The following CSPP1 variants were observed in gnomAD, a reference collection of about 807,000 sequenced individuals.
The protein encoded by CSPP1 is centrosome and spindle pole-associated protein 1.
Under a neutral mutation model 164.4 loss-of-function variants are expected in CSPP1, and 126 were observed. That is an observed-to-expected ratio of 0.77 (90% CI 0.66 to 0.89). CSPP1 has a LOEUF of 0.89. CSPP1 is among the 40% of genes least tolerant of loss of function. The pLI is 0.00. For synonymous variants in CSPP1, 472 were observed against 476.7 expected, an observed-to-expected ratio of 0.99 and a Z score of 0.13; for missense variants, 1,395 against 1,449.8, an observed-to-expected ratio of 0.96 and a Z score of 0.61.
intron 16 of CSPP1, chr8:67,134,515 C>CTTTCTAGAGCACAGG (rs1821844940): frequency 6.7e-6 from 1 of 148,314 alleles, no homozygotes; most frequent in Non-Finnish European, 1.5e-5. Context: ...TTGTTGTTTC[C>CTTTCTAGAGCACAGG]TTTCTAGAGC....
At chr8:67,157,330 CT>C (rs1826863544) in intron 19 of CSPP1, among the ~76,000 whole-genome samples, 1 of 151,598 alleles carries the variant, frequency 6.6e-6, no homozygotes, top group African/African-American at 2.4e-5. Flanking sequence ...GAGTCTCATT[CT>C]GTCGCCCAGG....
intron 18 of CSPP1, among the ~76,000 whole-genome samples, chr8:67,153,089 C>T (rs769955161): frequency 1.3e-5 from 2 of 152,090 alleles, no homozygotes; most frequent in Non-Finnish European, 2.9e-5. Flanking sequence ...GTAGTCCCAG[C>T]TACTTGGGAG....
At chr8:67,118,507 T>C in intron 14 of CSPP1, 138 bp downstream of exon 14, 3 of 875,216 alleles carry the variant, frequency 3.4e-6, no homozygotes, top group Non-Finnish European at 5.5e-6. Context: ...ATTTAATAAA[T>C]GCCCTATTTT....
In CSPP1 at chr8:67,138,526, A is replaced by C. The variant is rs369701286; in HGVS notation, c.1975+923A>C. Among the ~76,000 whole-genome samples the C allele has an allele frequency of 1.3e-4, 20 of 152,310 alleles. 1 individual carries two copies. Among genetic ancestry groups the C allele is most frequent in the East Asian group, 9.6e-4 (5 of 5,188 alleles). ...TTGAATTGTGGTTGATTGAATCCACAGATGTGGAACCCGCAGTTACAAAGG... is the reference window on the plus strand; with the variant it reads ...TTGAATTGTGGTTGATTGAATCCACCGATGTGGAACCCGCAGTTACAAAGG... On this transcript the variant is annotated intron_variant, in intron 17 of 30. Coordinates refer to ENST00000678616, the MANE Select transcript of CSPP1 (RefSeq NM_001382391.1).
chr8:67,164,788 T>G (rs1489448773), intron 24 of CSPP1, among the ~76,000 whole-genome samples: 2 of 152,248 alleles, frequency 1.3e-5, no homozygotes, highest in Non-Finnish European at 2.9e-5. Flanking sequence ...TGAAATACTT[T>G]TTTTCAACAA....
At chr8:67,147,281 A>G (rs938620668) in intron 17 of CSPP1, among the ~76,000 whole-genome samples, 1 of 152,172 alleles carries the variant, frequency 6.6e-6, no homozygotes, top group Non-Finnish European at 1.5e-5. Context: ...TATTTCAAGA[A>G]TATCTATCTG....
At chr8:67,159,840 TTCTTTCTTTCTTTTTCTTTCTTTCTTTC>T (rs1210882069) in intron 21 of CSPP1, among the ~76,000 whole-genome samples, 2 of 129,560 alleles carry the variant, frequency 1.5e-5, no homozygotes, top group East Asian at 4.3e-4. Context: ...CTTTCTTTCT[TTCTTTCTTTCTTTTTCTTTCTTTCTTTC>T]TTTCTTTCTT....
rs1821327152 is a variant in CSPP1, at chr8:67,131,987, T to A, written c.1734T>A (p.Ser578Arg). The A allele has an allele frequency of 6.2e-7, 1 of 1,613,290 alleles. No homozygotes were observed. The highest frequency in any genetic ancestry group is 8.5e-7 in the Non-Finnish European group (1 of 1,179,482). The part of the protein sequence containing the change: ...TVGQNELKIT[S>R]DQVINSGLIF... ...GACAGAATGAACTGAAGATTACAAG[T>A]GATCAAGTGATAAATTCAGGATTGA... is the stretch of plus-strand genomic sequence containing the variant. The change falls in exon 16 of 31, where the codon AGT (serine) becomes AGA (arginine). Residue 578 changes from serine to arginine, a missense_variant. Ser to Arg is a moderately radical substitution (Grantham distance 110). Coordinates refer to ENST00000678616, the MANE Select transcript of CSPP1 (RefSeq NM_001382391.1).
At chr8:67,089,630 A>C (rs1419960821) in intron 4 of CSPP1, among the ~76,000 whole-genome samples, 1 of 152,014 alleles carries the variant, frequency 6.6e-6, no homozygotes, top group Non-Finnish European at 1.5e-5. Flanking sequence ...GCTTGAATGT[A>C]TGCTTTTGGA....
chr8:67,069,813 C>T (rs546994279), intron 1 of CSPP1, among the ~76,000 whole-genome samples: 4 of 151,910 alleles, frequency 2.6e-5, no homozygotes, highest in Non-Finnish European at 5.9e-5. Flanking sequence ...GTATATACCA[C>T]CATGCCTGGC....
rs753759120 is a variant in CSPP1, at chr8:67,184,144, C to T, written c.3220+4218C>T. ...CTGGGATTATAGGCGTGAGCCACTG[C>T]GCCCGGCCAAAAATTGGTAAATTTT... is the stretch of plus-strand genomic sequence containing the variant. On this transcript the variant is annotated intron_variant, in intron 28 of 30. Coordinates refer to ENST00000678616, the MANE Select transcript of CSPP1 (RefSeq NM_001382391.1). Among the ~76,000 whole-genome samples, 8 of 152,210 alleles carry T rather than the reference C, an allele frequency of 5.3e-5. No individual in the cohort carries two copies. In the East Asian group the frequency reaches 7.8e-4, roughly 15 times the overall value.
intron 19 of CSPP1, among the ~76,000 whole-genome samples, chr8:67,156,238 A>G (rs1424881344): frequency 6.6e-6 from 1 of 152,224 alleles, no homozygotes; most frequent in Non-Finnish European, 1.5e-5. Flanking sequence ...CATACAACTA[A>G]TACACAGACT....
chr8:67,160,035 T>TCTTTTC (rs1340400268), intron 21 of CSPP1, among the ~76,000 whole-genome samples: 1 of 99,216 alleles, frequency 1.0e-5, no homozygotes, highest in Non-Finnish European at 1.7e-5. Flanking sequence ...TCTTTTCTTT[T>TCTTTTC]TCTTTTTCTT....
chr8:67,195,430 G>A lies in CSPP1; in HGVS notation c.3518G>A (p.Gly1173Glu), dbSNP rs1837735009. The A allele has an allele frequency of 2.5e-6, 4 of 1,614,162 alleles. No homozygotes were observed. Among genetic ancestry groups the A allele is most frequent in the Admixed American group, 1.7e-5 (1 of 60,032 alleles). ...VDPDDIMKHI[G>E]DDGSNSVATE... ...CCTGATGACATCATGAAACACATAG[G>A]GGATGACGGATCAAACTCTGTAGCA... The change falls in exon 31 of 31, where the codon GGG (glycine) becomes GAG (glutamate). Residue 1173 changes from glycine (G) to glutamate (E), a missense_variant. Gly to Glu is a moderately conservative substitution (Grantham distance 98). Transcript: ENST00000678616.
intron 17 of CSPP1, among the ~76,000 whole-genome samples, 190 bp from the exon 18 acceptor site, chr8:67,149,593 A>T (rs1825294216): frequency 6.6e-6 from 1 of 152,108 alleles, no homozygotes. Context: ...ATTTTTAAGG[A>T]TTATTTTTTG....
At chr8:67,129,183 G>A (rs918381356) in intron 15 of CSPP1, among the ~76,000 whole-genome samples, 12 of 152,060 alleles carry the variant, frequency 7.9e-5, no homozygotes, top group African/African-American at 2.9e-4. Flanking sequence ...TTAGAAGGGA[G>A]CCTATAAACA....
intron 17 of CSPP1, among the ~76,000 whole-genome samples, chr8:67,149,205 A>G (rs1283493670): frequency 1.1e-4 from 16 of 152,190 alleles, no homozygotes; most frequent in Non-Finnish European, 2.9e-5. Flanking sequence ...TGAATGATCC[A>G]TAGATAAGCA....
intron 18 of CSPP1, among the ~76,000 whole-genome samples, chr8:67,150,458 G>A (rs773791309): frequency 6.6e-6 from 1 of 151,734 alleles, no homozygotes. Context: ...AGGCTGGAGT[G>A]CAGTGGCATA....
chr8:67,163,791 T>C lies in CSPP1; in HGVS notation c.2703T>C (p.Arg901=). ...TACCTGCCAGGAAAAATCAGCTCCG[T>C]GCAGAAGGTAGAGTTAACTACTAAA... ...PPVPARKNQL[R]AEEEKKNVIM... is the part of the protein sequence containing the mutation. Residue 901 remains arginine (R), a synonymous_variant, in exon 23 of 31, where the codon CGT becomes CGC. Transcript: ENST00000678616. 6.2e-7 allele frequency: 1 copy of C among 1,612,378 alleles called. No individual in the cohort carries two copies. The highest frequency in any genetic ancestry group is 8.5e-7 in the Non-Finnish European group (1 of 1,178,502).
Sources: gnomAD v4.1 joint callset for allele counts (sites outside exome capture counted in the v4.1 genomes callset) on GRCh38, gnomAD v4.1.1 for gene constraint, MANE v1.5 for transcripts, NCBI Gene and HGNC (gene_info 2026-07-23, HGNC 2026-07-21) for gene names.